The following CCSER1 variants were observed in gnomAD, a reference collection of about 807,000 sequenced individuals.
CCSER1 encodes coiled-coil serine rich protein 1, also known as serine-rich coiled-coil domain-containing protein 1.
Under a neutral mutation model 82.0 loss-of-function variants are expected in CCSER1, and 41 were observed. The observed-to-expected ratio is 0.50, with a 90% CI of 0.39 to 0.65. CCSER1 has a LOEUF of 0.65. CCSER1 is among the 30% of genes least tolerant of loss of function. The pLI is 0.00. For synonymous variants in CCSER1, 414 were observed against 383.9 expected (o/e 1.08, Z -0.92); for missense variants, 1,119 against 1,064.2 (o/e 1.05, Z -0.72).
At chr4:91,178,589 T>A (rs1484620225) in intron 10 of CCSER1, among the ~76,000 whole-genome samples, 1 of 152,200 alleles carries the variant, frequency 6.6e-6, no homozygotes, top group Non-Finnish European at 1.5e-5. Flanking sequence ...TTGATCTTTG[T>A]TGGTTTAAAG....
chr4:91,306,121 AT>A (rs1182429586), intron 10 of CCSER1, among the ~76,000 whole-genome samples: 1 of 151,000 alleles, frequency 6.6e-6, no homozygotes, highest in African/African-American at 2.4e-5. Context: ...CATAACAGAA[AT>A]TTTTTTCATG....
intron 10 of CCSER1, among the ~76,000 whole-genome samples, chr4:91,150,424 A>C (rs550859667): frequency 1.3e-5 from 2 of 152,314 alleles, no homozygotes; most frequent in South Asian, 2.1e-4. Flanking sequence ...GTCATCTGCA[A>C]ACAGGGACAA....
chr4:91,481,849 G>A (rs1351087168), intron 10 of CCSER1, among the ~76,000 whole-genome samples: 2 of 152,084 alleles, frequency 1.3e-5, no homozygotes, highest in Admixed American at 6.5e-5. Flanking sequence ...CCTACAGAAT[G>A]GGAGAAAATT....
intron 1 of CCSER1, among the ~76,000 whole-genome samples, chr4:90,185,562 A>G (rs767437016): frequency 6.6e-6 from 1 of 152,050 alleles, no homozygotes; most frequent in Non-Finnish European, 1.5e-5. Flanking sequence ...AGTGCTGATA[A>G]TAAAGTAATA....
Position 91,304,684 on chromosome 4 carries a change from T to C in CCSER1, c.2217+218690T>C, listed in dbSNP as rs1465194567. ...ATACTGTCCTTTAATTAGTAGCATATATTGTTTCAGATGCTTACTTGGACA... is the reference window on the plus strand; with the variant it reads ...ATACTGTCCTTTAATTAGTAGCATACATTGTTTCAGATGCTTACTTGGACA... On this transcript the variant is annotated intron_variant, in intron 10 of 10. Coordinates refer to ENST00000509176, the MANE Select transcript of CCSER1 (RefSeq NM_001145065.2). 2.0e-5 allele frequency among the ~76,000 whole-genome samples: 3 copies of C among 152,084 alleles called. No homozygotes were observed. The East Asian group carries it at 5.8e-4, about 29-fold the overall frequency.
At chr4:91,213,582 A>G (rs900074553) in intron 10 of CCSER1, among the ~76,000 whole-genome samples, 2 of 152,274 alleles carry the variant, frequency 1.3e-5, no homozygotes, top group South Asian at 4.1e-4. Flanking sequence ...AGGCTTCTAG[A>G]AGTCCACAAG....
chr4:91,434,102 C>A (rs193180569), intron 10 of CCSER1, among the ~76,000 whole-genome samples: 6 of 152,150 alleles, frequency 3.9e-5, no homozygotes, highest in Admixed American at 3.9e-4. Context: ...GGTACTCCGG[C>A]TGCACAAAAT....
intron 10 of CCSER1, among the ~76,000 whole-genome samples, chr4:91,560,778 T>C (rs751055492): frequency 6.6e-6 from 1 of 151,420 alleles, no homozygotes; most frequent in Admixed American, 6.6e-5. Flanking sequence ...GCTTCTCAAG[T>C]GCTTTTCTTT....
chr4:90,972,162 G>A (rs372740609), intron 9 of CCSER1, among the ~76,000 whole-genome samples: 1 of 151,612 alleles, frequency 6.6e-6, no homozygotes, highest in African/African-American at 2.4e-5. Flanking sequence ...GAAAAAGAAA[G>A]AAAGACAACC....
At chr4:90,851,148 ACTGTGAGT>A (rs1763834674) in intron 8 of CCSER1, among the ~76,000 whole-genome samples, 1 of 152,080 alleles carries the variant, frequency 6.6e-6, no homozygotes, top group East Asian at 1.9e-4. Flanking sequence ...GGCATGTGAA[ACTGTGAGT>A]AAATTAAATC....
At chr4:90,871,724 T>C (rs1441626079) in intron 8 of CCSER1, among the ~76,000 whole-genome samples, 3 of 151,830 alleles carry the variant, frequency 2.0e-5, no homozygotes, top group African/African-American at 7.2e-5. Context: ...TGTGTGGATT[T>C]TCTATCTGTG....
intron 10 of CCSER1, among the ~76,000 whole-genome samples, chr4:91,153,302 C>T (rs567490625): frequency 2.7e-4 from 41 of 152,044 alleles, no homozygotes; most frequent in African/African-American, 8.2e-4. Flanking sequence ...TTGATCGAAT[C>T]GGCTCTTGAA....
rs141820860 is a variant in CCSER1 at position 91,467,724 on chromosome 4, G to T, written c.2218-130848G>T. Among the ~76,000 whole-genome samples the T allele has an allele frequency of 3.1e-3, 477 of 152,188 alleles. 2 individuals are homozygous for T. Among genetic ancestry groups the T allele is most frequent in the African/African-American group, 0.011 (447 of 41,550 alleles). The stretch of plus-strand genomic sequence containing the variant: ...ACAGACACTTCTCAAAAGAAGACAT[G>T]TATGCAGCCAACAGTCACATGAAAA... On this transcript the variant is annotated intron_variant, in intron 10 of 10. Coordinates refer to ENST00000509176, the MANE Select transcript of CCSER1 (RefSeq NM_001145065.2).
At chr4:91,292,556 T>C (rs966143673) in intron 10 of CCSER1, among the ~76,000 whole-genome samples, 1 of 151,972 alleles carries the variant, frequency 6.6e-6, no homozygotes, top group African/African-American at 2.4e-5. Flanking sequence ...TTAGATATAA[T>C]TGGAAATAAA....
chr4:90,425,195 T>G (rs2153563158), intron 4 of CCSER1, among the ~76,000 whole-genome samples: 1 of 152,310 alleles, frequency 6.6e-6, no homozygotes, highest in South Asian at 2.1e-4. Flanking sequence ...CTATAAAAAC[T>G]TTCTATCATA....
intron 10 of CCSER1, among the ~76,000 whole-genome samples, chr4:91,178,221 T>C (rs1330125741): frequency 6.6e-6 from 1 of 152,182 alleles, no homozygotes; most frequent in Admixed American, 6.5e-5. Context: ...GAGGAGTGCT[T>C]TACCTCCAAC....
At chr4:91,352,863 G>C (rs2149301909) in intron 10 of CCSER1, among the ~76,000 whole-genome samples, 1 of 152,272 alleles carries the variant, frequency 6.6e-6, no homozygotes, top group Non-Finnish European at 1.5e-5. Flanking sequence ...CTGTACTCAG[G>C]ACTGGTGTCT....
chr4:90,846,316 A>G (rs1372847708), intron 8 of CCSER1, among the ~76,000 whole-genome samples: 2 of 152,214 alleles, frequency 1.3e-5, no homozygotes, highest in Non-Finnish European at 2.9e-5. Flanking sequence ...GGAAGGTGTG[A>G]TAAGTTTAGG....
intron 9 of CCSER1, among the ~76,000 whole-genome samples, chr4:90,954,106 T>C (rs1301188053): frequency 1.3e-5 from 2 of 152,022 alleles, no homozygotes; most frequent in Non-Finnish European, 2.9e-5. Flanking sequence ...TTATAACATT[T>C]CTCTTTAAAG....
Sources: gnomAD v4.1 joint callset for allele counts (sites outside exome capture counted in the v4.1 genomes callset) on GRCh38, gnomAD v4.1.1 for gene constraint, MANE v1.5 for transcripts, NCBI Gene and HGNC (gene_info 2026-07-23, HGNC 2026-07-21) for gene names.